The following TLK1 variants were observed in gnomAD, a reference collection of about 807,000 sequenced individuals.
TLK1 encodes the protein tousled like kinase 1.
TLK1 carries 24 observed loss-of-function variants against 105.3 expected under a neutral mutation model. The observed-to-expected ratio is 0.23, with a 90% CI of 0.17 to 0.32. TLK1 has a LOEUF of 0.32. Among genes scored for constraint, TLK1 ranks in the 10% least tolerant of loss-of-function variants. The pLI is 1.00. For synonymous variants in TLK1, 321 were observed against 310.4 expected (o/e 1.03, Z -0.36); for missense variants, 558 against 910.5 (o/e 0.61, Z 4.98).
At chr2:171,019,638 A>G (rs1685385716) in intron 12 of TLK1, among the ~76,000 whole-genome samples, 1 of 152,220 alleles carries the variant, frequency 6.6e-6, no homozygotes, top group African/African-American at 2.4e-5. Flanking sequence ...AAGATAAAAC[A>G]GGAAGTATTT....
chr2:171,079,680 A>T (rs1688662669), intron 3 of TLK1, among the ~76,000 whole-genome samples: 1 of 152,224 alleles, frequency 6.6e-6, no homozygotes, highest in Non-Finnish European at 1.5e-5. Context: ...ACATTTAGAA[A>T]AAAAGATTCA....
chr2:171,147,349 C>A (rs1318824011), intron 1 of TLK1, among the ~76,000 whole-genome samples: 1 of 152,184 alleles, frequency 6.6e-6, no homozygotes, highest in Non-Finnish European at 1.5e-5. Flanking sequence ...ACAGTGACAA[C>A]AGAGATTAAA....
intron 18 of TLK1, among the ~76,000 whole-genome samples, chr2:170,999,410 C>T (rs563864392): frequency 2.0e-5 from 3 of 152,078 alleles, no homozygotes; most frequent in Non-Finnish European, 4.4e-5. Context: ...GTGTATTTTA[C>T]GCAGGTGTCT....
intron 2 of TLK1, among the ~76,000 whole-genome samples, chr2:171,086,779 C>T (rs1284108358): frequency 6.6e-6 from 1 of 152,116 alleles, no homozygotes. Context: ...AGATCAAAAT[C>T]TTTAGTCTTA....
chr2:171,124,896 G>A (rs569473436), intron 1 of TLK1, among the ~76,000 whole-genome samples: 2 of 152,162 alleles, frequency 1.3e-5, no homozygotes, highest in African/African-American at 4.8e-5. Context: ...AAGAACAACT[G>A]AATTGTATCA....
chr2:170,998,149 C>T (rs1283370828), intron 18 of TLK1, among the ~76,000 whole-genome samples: 1 of 152,016 alleles, frequency 6.6e-6, no homozygotes, highest in African/African-American at 2.4e-5. Context: ...AAAGAGATTA[C>T]AATGGTCTTA....
At chr2:171,040,868 C>T (rs547621824) in intron 11 of TLK1, among the ~76,000 whole-genome samples, 104 of 152,146 alleles carry the variant, frequency 6.8e-4, no homozygotes, top group Admixed American at 3.3e-3. Context: ...TGAGCCACCA[C>T]GCCCAGCCTA....
upstream of TLK1, among the ~76,000 whole-genome samples, chr2:171,163,701 A>G (rs542381121): frequency 5.1e-4 from 77 of 152,258 alleles, no homozygotes; most frequent in Non-Finnish European, 9.0e-4. Flanking sequence ...AACCTTCTCC[A>G]GAGCTTCAAG....
In TLK1 at chr2:170,997,740, A is replaced by G; in HGVS notation, c.1988T>C (p.Ile663Thr). Residue 663 changes from isoleucine to threonine, a missense_variant, in exon 19 of 21, where the codon ATC becomes ACC. By Grantham distance (89) the Ile-to-Thr change is moderately conservative. This residue lies in a region of TLK1 where 218 missense variants were observed against 492.9 expected (regional missense o/e 0.44). Transcript: ENST00000431350. ...NKVDVWSVGV[I>T]FFQCLYGRKP... ...TCTACCATAAAGACACTGAAAGAAG[A>G]TGACTCCAACCGACCATACATCAAC... 3 of 1,609,358 alleles carry G rather than the reference A, an allele frequency of 1.9e-6. No homozygotes were observed. The highest frequency in any genetic ancestry group is 2.5e-6 in the Non-Finnish European group (3 of 1,177,210).
chr2:170,996,343 A>G (rs774813508), intron 20 of TLK1, among the ~76,000 whole-genome samples: 8 of 152,192 alleles, frequency 5.3e-5, no homozygotes, highest in Non-Finnish European at 5.9e-5. Context: ...ATATCTCAGT[A>G]TTAACATAAG....
chr2:171,001,556 T>C (rs1684373013), intron 18 of TLK1, among the ~76,000 whole-genome samples: 1 of 152,200 alleles, frequency 6.6e-6, no homozygotes, highest in Non-Finnish European at 1.5e-5. Context: ...AGTTAGCAGC[T>C]TTATAGCTAA....
chr2:171,184,688 A>G (rs1418928828), intron 1 of TLK1, among the ~76,000 whole-genome samples: 1 of 151,872 alleles, frequency 6.6e-6, no homozygotes, highest in African/African-American at 2.4e-5. Flanking sequence ...CTTTCTAACC[A>G]ACATCTCTAA....
chr2:171,110,147 A>C (rs1485800572), intron 2 of TLK1, among the ~76,000 whole-genome samples: 2 of 152,230 alleles, frequency 1.3e-5, no homozygotes, highest in African/African-American at 4.8e-5. Context: ...AAAACACTGG[A>C]AACAACACAA....
intron 1 of TLK1, among the ~76,000 whole-genome samples, chr2:171,190,147 AAAGT>A: frequency 6.6e-6 from 1 of 152,336 alleles, no homozygotes; most frequent in South Asian, 2.1e-4. Flanking sequence ...CTCACAACAT[AAAGT>A]GAGTGTTGCT....
intron 12 of TLK1, among the ~76,000 whole-genome samples, chr2:171,022,086 A>AACACACACACACACACACACACACACAC (rs557803785): frequency 9.7e-6 from 1 of 103,010 alleles, no homozygotes; most frequent in African/African-American, 3.0e-5. Flanking sequence ...CTGGGCGAAA[A>AACACACACACACACACACACACACACAC]ACACACACAC....
At chr2:171,086,535 A>G (rs1688981590) in intron 2 of TLK1, among the ~76,000 whole-genome samples, 1 of 152,124 alleles carries the variant, frequency 6.6e-6, no homozygotes, top group African/African-American at 2.4e-5. Context: ...CTGAGGCAGG[A>G]GAAATGCTTG....
In TLK1 at chr2:170,991,647, G is replaced by C. The variant is rs1683788740; in HGVS notation, c.*2133C>G. ...GCTCTCATTCATTTGAAAGTAAAAT[G>C]GTAAAGCAGTGATCTCTAGGTCTAT... On this transcript the variant is annotated 3_prime_UTR_variant, in exon 21 of 21. Coordinates refer to ENST00000431350, the MANE Select transcript of TLK1 (RefSeq NM_012290.5). 5.3e-5 allele frequency: 8 copies of C among 152,110 alleles called. No individual in the cohort carries two copies. The South Asian group carries it at 1.5e-3, about 28-fold the overall frequency. The allele number at this position is 152,110 out of a possible 1,614,324, so 9.4% of individuals were successfully genotyped here.
chr2:171,098,408 T>A (rs1404062114), intron 2 of TLK1, among the ~76,000 whole-genome samples: 4 of 152,034 alleles, frequency 2.6e-5, no homozygotes, highest in Non-Finnish European at 5.9e-5. Context: ...AAAGCTGGGG[T>A]AGAAAGGTAG....
At chr2:171,217,133 G>C (rs1481373021) in intron 1 of TLK1, among the ~76,000 whole-genome samples, 2 of 152,150 alleles carry the variant, frequency 1.3e-5, no homozygotes, top group East Asian at 3.8e-4. Context: ...GTTAGGGAAA[G>C]AAACAAAAAC....
Sources: allele counts gnomAD v4.1 joint callset (sites outside exome capture counted in the v4.1 genomes callset), GRCh38; gene constraint gnomAD v4.1.1; regional missense constraint gnomAD v4.1.1; transcripts MANE v1.5; gene names NCBI Gene and HGNC (gene_info 2026-07-23, HGNC 2026-07-21).